The following SLC52A3 variants were observed in gnomAD, a reference collection of about 807,000 sequenced individuals.
SLC52A3 encodes the protein solute carrier family 52, riboflavin transporter, member 3.
A neutral mutation model predicts 29.5 loss-of-function variants in SLC52A3; 20 were observed. The ratio of observed to expected loss-of-function variants is 0.68; its 90% confidence interval spans 0.48 to 0.99. The LOEUF (loss-of-function observed/expected upper bound fraction) is 0.99, where lower values mean the gene tolerates loss of function less well. Ranked by LOEUF, SLC52A3 falls within the 50% of genes least tolerant of loss-of-function variation. SLC52A3 has a pLI of 0.00. For missense variants in SLC52A3, 548 were observed against 612.9 expected, an observed-to-expected ratio of 0.89 and a Z score of 1.12; for synonymous variants, 301 against 271.0, an observed-to-expected ratio of 1.11 and a Z score of -1.09.
At chr20:774,520 G>A (rs902587038) in intron 1 of SLC52A3, among the ~76,000 whole-genome samples, 2 of 152,204 alleles carry the variant, frequency 1.3e-5, no homozygotes, top group African/African-American at 4.8e-5. Context: ...AGAGAGAAGA[G>A]ACTGAGACAA....
chr20:761,923 A>G, intron 3 of SLC52A3, 99 bp from the exon 4 acceptor site: 1 of 1,562,668 alleles, frequency 6.4e-7, no homozygotes, highest in South Asian at 1.1e-5. Context: ...CTCCATAGTT[A>G]GTTTAGACCC....
At chr20:777,030 A>G (rs1987061583), upstream of SLC52A3, among the ~76,000 whole-genome samples, 1 of 151,960 alleles carries the variant, frequency 6.6e-6, no homozygotes, top group Non-Finnish European at 1.5e-5. Flanking sequence ...GAGGTCAGGA[A>G]TTCAGGACCA....
chr20:770,746 G>C (rs1428035391), upstream of SLC52A3, among the ~76,000 whole-genome samples: 1 of 152,142 alleles, frequency 6.6e-6, no homozygotes, highest in Non-Finnish European at 1.5e-5. This position sits in a 1 kb window ranked among gnomAD's most constrained non-coding sequence, Gnocchi z 4.5. Context: ...CAATATACTA[G>C]AGCAAGGCAA....
chr20:762,391 TC>T (rs1245891371), intron 3 of SLC52A3, among the ~76,000 whole-genome samples: 2 of 152,044 alleles, frequency 1.3e-5, no homozygotes, highest in Non-Finnish European at 2.9e-5. Flanking sequence ...TCTCCAGGGG[TC>T]CTGGCAGCTG....
rs778569013 is a variant in SLC52A3, at chr20:761,169, C to T, written c.1267G>A (p.Asp423Asn). 2.5e-6 allele frequency: 4 copies of T among 1,576,138 alleles called. No individual in the cohort carries two copies. Among genetic ancestry groups the T allele is most frequent in the Non-Finnish European group, 3.4e-6 (4 of 1,162,608 alleles). Residue 423 changes from aspartate (D) to asparagine (N), a missense_variant, in exon 5 of 5, where the codon GAC becomes AAC. Physicochemically the swap from Asp to Asn is conservative, Grantham distance 23. This residue lies in a region of SLC52A3 where 173 missense variants were observed against 141.8 expected (regional missense o/e 1.22). Transcript: ENST00000645534. ...VKVMLGVVLR[D>N]LSRSALLWCG... Reference sequence around the variant, plus strand: ...CACAAGAGGGCGCTGCGGCTGAGGTCGCGCAGGACCACGCCCAGCATCACC... The same window carrying T: ...CACAAGAGGGCGCTGCGGCTGAGGTTGCGCAGGACCACGCCCAGCATCACC...
At chr20:775,560 G>A (rs563472337) in intron 1 of SLC52A3, among the ~76,000 whole-genome samples, 3 of 152,246 alleles carry the variant, frequency 2.0e-5, no homozygotes, top group African/African-American at 7.2e-5. Context: ...GATTACAGGC[G>A]TGAGCCATGA....
At chr20:774,616 G>A (rs981131619) in intron 1 of SLC52A3, among the ~76,000 whole-genome samples, 4 of 152,206 alleles carry the variant, frequency 2.6e-5, no homozygotes, top group South Asian at 4.1e-4. Flanking sequence ...GAGAAGCTGC[G>A]GCTGAGAGGG....
At chr20:770,054 C>T (rs73576895), upstream of SLC52A3, among the ~76,000 whole-genome samples, 340 of 152,134 alleles carry the variant, frequency 2.2e-3, 1 homozygote, top group African/African-American at 7.6e-3. This position sits in a 1 kb window ranked among gnomAD's most constrained non-coding sequence, Gnocchi z 4.5. Context: ...CTCCTTAGCC[C>T]GTTTCCTGTT....
At chr20:777,360 A>G (rs1473270435), upstream of SLC52A3, among the ~76,000 whole-genome samples, 3 of 152,112 alleles carry the variant, frequency 2.0e-5, no homozygotes, top group Non-Finnish European at 4.4e-5. Context: ...GAAGTTGCAT[A>G]TCTTATAACC....
intron 1 of SLC52A3, among the ~76,000 whole-genome samples, chr20:768,026 C>T (rs757881513): frequency 4.6e-5 from 7 of 152,184 alleles, no homozygotes; most frequent in Non-Finnish European, 7.3e-5. Flanking sequence ...GTGGCTTTGC[C>T]TCTCTCTGCC....
upstream of SLC52A3, among the ~76,000 whole-genome samples, chr20:776,756 G>A (rs1568736015): frequency 2.0e-5 from 3 of 151,958 alleles, no homozygotes; most frequent in African/African-American, 7.3e-5. Flanking sequence ...TAGGGGAAGA[G>A]TTGGGGGTGG....
rs754701589 is a variant in SLC52A3, at chr20:764,023, T to A, written c.568-20A>T. On this transcript the variant is annotated intron_variant, in intron 2 of 4. Transcript: ENST00000645534. ...AACTCCCTGCAAAGGACAAGACAGA[T>A]CCCTGGTCAGGGGAGGGGATCAGGC... 1.1e-5 allele frequency: 17 copies of A among 1,547,888 alleles called. No individual in the cohort carries two copies. Among genetic ancestry groups the A allele is most frequent in the Non-Finnish European group, 1.5e-5 (17 of 1,143,122 alleles).
chr20:769,230 G>A (rs142616287), upstream of SLC52A3, among the ~76,000 whole-genome samples: 4 of 152,340 alleles, frequency 2.6e-5, no homozygotes, highest in Middle Eastern at 3.4e-3. Context: ...AATCAGCAGT[G>A]GAGGGGATGG....
chr20:772,236 T>A (rs528723574), upstream of SLC52A3, among the ~76,000 whole-genome samples: 2 of 152,310 alleles, frequency 1.3e-5, no homozygotes, highest in African/African-American at 4.8e-5. Context: ...AAAGACGAAT[T>A]CTCTGGTTTT....
rs781416205 is a variant in SLC52A3 at position 765,709 on chromosome 20, C to T, written c.66G>A (p.Gly22=). 4.3e-6 allele frequency: 7 copies of T among 1,613,596 alleles called. No individual in the cohort carries two copies. The East Asian group carries it at 1.3e-4, about 31-fold the overall frequency. Residue 22 remains glycine (G), a synonymous_variant, in exon 2 of 5, where the codon GGG becomes GGA. Coordinates refer to ENST00000645534, the MANE Select transcript of SLC52A3 (RefSeq NM_033409.4). This position sits in a 1 kb window ranked among gnomAD's most constrained non-coding sequence, Gnocchi z 6.6. The part of the protein sequence containing the change: ...FGMGSWVTIN[G]LWVELPLLVM... ...CCAGCAGGGGCAGCTCTACCCAGAG[C>T]CCATTGATGGTCACCCAGGAGCCCA... is the stretch of plus-strand genomic sequence containing the variant.
At position 763,763 on chromosome 20, in the gene SLC52A3, C is replaced by T. The variant is rs899788355; in HGVS notation, c.808G>A (p.Glu270Lys). The change falls in exon 3 of 5, where the codon GAG becomes AAG. Residue 270 changes from glutamate (E) to lysine (K), a missense_variant. Transcript: ENST00000645534. ...VTLHSIRPRE[E>K]NDLGPAGTVD... is the part of the protein sequence containing the mutation. ...GTGCCTGCAGGGCCCAAGTCATTCT[C>T]TTCCCGCGGCCGGATGGAGTGGAGG... The T allele has an allele frequency of 6.2e-7, 1 of 1,614,194 alleles. No individual in the cohort carries two copies.
At chr20:767,756 C>CT (rs1461439202) in intron 1 of SLC52A3, among the ~76,000 whole-genome samples, 1 of 152,166 alleles carries the variant, frequency 6.6e-6, no homozygotes, top group Non-Finnish European at 1.5e-5. Context: ...TTCAATCTGG[C>CT]TTTTTTTCCT....
upstream of SLC52A3, among the ~76,000 whole-genome samples, chr20:771,419 T>G (rs924693571): frequency 6.9e-6 from 1 of 144,558 alleles, no homozygotes; most frequent in African/African-American, 2.4e-5. Context: ...AAAGCAAGAC[T>G]CTTGTCTCAA....
At position 765,455 on chromosome 20, in the gene SLC52A3, G is replaced by A. The variant is rs1356046308; in HGVS notation, c.320C>T (p.Ala107Val). 6 of 1,609,358 alleles carry A rather than the reference G, an allele frequency of 3.7e-6. No individual in the cohort carries two copies. Among genetic ancestry groups the A allele is most frequent in the Non-Finnish European group, 4.2e-6 (5 of 1,177,812 alleles). ...CAGGAAGAAGGTGAGGACCAAGAAGGCGATGCTGTGGTGGCCGTCCAGCAC... is the reference window on the plus strand; with the variant it reads ...CAGGAAGAAGGTGAGGACCAAGAAGACGATGCTGTGGTGGCCGTCCAGCAC... ...SWVLDGHHSI[A>V]FLVLTFFLAL... The change falls in exon 2 of 5, where the codon GCC (alanine) becomes GTC (valine). Residue 107 changes from alanine (A) to valine (V), a missense_variant. This residue lies in a region of SLC52A3 where 375 missense variants were observed against 471.1 expected (regional missense o/e 0.80). Coordinates refer to ENST00000645534, the MANE Select transcript of SLC52A3 (RefSeq NM_033409.4). This position sits in a 1 kb window ranked among gnomAD's most constrained non-coding sequence, Gnocchi z 6.6.
Sources: allele counts gnomAD v4.1 joint callset (sites outside exome capture counted in the v4.1 genomes callset), GRCh38; gene constraint gnomAD v4.1.1; regional missense constraint gnomAD v4.1.1; non-coding constraint Gnocchi (gnomAD v3.1); transcripts MANE v1.5; gene names NCBI Gene and HGNC (gene_info 2026-07-23, HGNC 2026-07-21).